The following LRIF1 variants were observed in gnomAD, a reference collection of about 807,000 sequenced individuals.
LRIF1 encodes ligand-dependent nuclear receptor-interacting factor 1.
In LRIF1, 32 loss-of-function variants were observed where a neutral mutation model predicts 52.7. That is an observed-to-expected ratio of 0.61 (90% CI 0.46 to 0.82). LRIF1 has a LOEUF of 0.82. Ranked by LOEUF, LRIF1 falls within the 40% of genes least tolerant of loss-of-function variation. The probability of loss-of-function intolerance (pLI) is 0.00; values close to 1 mark genes in which losing one functional copy is unlikely to be tolerated. For synonymous variants in LRIF1, 323 were observed against 317.4 expected, an observed-to-expected ratio of 1.02 and a Z score of -0.19; for missense variants, 887 against 892.0, an observed-to-expected ratio of 0.99 and a Z score of 0.07.
At chr1:110,956,817 C>A (rs1287840688) in intron 1 of LRIF1, among the ~76,000 whole-genome samples, 2 of 152,192 alleles carry the variant, frequency 1.3e-5, no homozygotes, top group Non-Finnish European at 2.9e-5. Flanking sequence ...ATGGTGTTAA[C>A]AAGCTGCAAT....
At chr1:110,880,188 G>C in the LRIF1 span, 2 of 152,160 alleles carry the variant, frequency 1.3e-5, no homozygotes. Context: ...ACTGTGGGAG[G>C]GGTGTCGGTT....
chr1:110,898,429 A>T, the LRIF1 span, among the ~76,000 whole-genome samples: 1 of 151,566 alleles, frequency 6.6e-6, no homozygotes, highest in Non-Finnish European at 1.5e-5. Context: ...TTCCTCAGAG[A>T]TATGAGTGAT....
intron 1 of LRIF1, among the ~76,000 whole-genome samples, chr1:110,955,092 G>T (rs749105982): frequency 6.6e-6 from 1 of 152,068 alleles, no homozygotes; most frequent in Non-Finnish European, 1.5e-5. Context: ...AATCTCAAAC[G>T]TTCCTAAAAT....
the LRIF1 span, among the ~76,000 whole-genome samples, chr1:110,917,752 T>C: frequency 6.6e-6 from 1 of 151,502 alleles, no homozygotes; most frequent in Non-Finnish European, 1.5e-5. Context: ...AAAAATTAGA[T>C]CAGCTAAGGG....
At chr1:110,963,561 T>G in intron 1 of LRIF1, 60 bp downstream of exon 1, 1 of 1,446,074 alleles carries the variant, frequency 6.9e-7, no homozygotes, top group Admixed American at 1.8e-5. Flanking sequence ...GACGGCCGAC[T>G]CCACATCCCT....
intron 1 of LRIF1, among the ~76,000 whole-genome samples, chr1:110,958,995 G>A (rs1302234462): frequency 6.6e-6 from 1 of 152,158 alleles, no homozygotes; most frequent in Admixed American, 6.5e-5. Context: ...TCTAGAAGGA[G>A]CCTTCCATTG....
chr1:110,902,378 T>C, the LRIF1 span, among the ~76,000 whole-genome samples: 1 of 152,014 alleles, frequency 6.6e-6, no homozygotes, highest in South Asian at 2.1e-4. Flanking sequence ...GATTTACCTT[T>C]TAAATGGGTA....
At chr1:110,890,442 C>CT in the LRIF1 span, among the ~76,000 whole-genome samples, 3 of 152,178 alleles carry the variant, frequency 2.0e-5, no homozygotes, top group South Asian at 6.2e-4. Flanking sequence ...TGGTGCATGC[C>CT]TTTAGTCTCA....
the LRIF1 span, chr1:110,938,868 TACAA>T: frequency 1.3e-5 from 2 of 152,212 alleles, no homozygotes; most frequent in African/African-American, 4.8e-5. Flanking sequence ...AGTTCCAGGA[TACAA>T]AAACAACATA....
chr1:110,955,459 T>C (rs1658656768), intron 1 of LRIF1, among the ~76,000 whole-genome samples: 1 of 152,220 alleles, frequency 6.6e-6, no homozygotes, highest in African/African-American at 2.4e-5. Context: ...CTTAAAACAT[T>C]GCAGTGGCCT....
At chr1:110,963,591 C>G in intron 1 of LRIF1, 30 bp downstream of exon 1, 1 of 1,588,970 alleles carries the variant, frequency 6.3e-7, no homozygotes. Context: ...AGAGGGGCAG[C>G]CGTGGGGAGG....
the LRIF1 span, among the ~76,000 whole-genome samples, chr1:110,886,869 A>ATATATATTTTTTTT: frequency 2.4e-5 from 2 of 82,798 alleles, no homozygotes; most frequent in Non-Finnish European, 4.5e-5. Context: ...ATATATATAT[A>ATATATATTTTTTTT]TTTTTTTTTT....
At chr1:110,955,950 T>G (rs1658679850) in intron 1 of LRIF1, among the ~76,000 whole-genome samples, 1 of 152,098 alleles carries the variant, frequency 6.6e-6, no homozygotes, top group South Asian at 2.1e-4. Context: ...GACTCAACCT[T>G]AAAGAGAGCT....
chr1:110,946,608 ATT>A (rs55737391), downstream of LRIF1, among the ~76,000 whole-genome samples: 19 of 130,976 alleles, frequency 1.5e-4, no homozygotes, highest in Admixed American at 8.3e-4. Context: ...CATTGCACAG[ATT>A]TTTTTTTTCT....
chr1:110,918,299 A>G, the LRIF1 span, among the ~76,000 whole-genome samples: 2 of 152,324 alleles, frequency 1.3e-5, no homozygotes, highest in African/African-American at 4.8e-5. Context: ...AGGACTGTGT[A>G]GTAAGACAGG....
intron 1 of LRIF1, among the ~76,000 whole-genome samples, chr1:110,962,748 G>A (rs1004272605): frequency 1.3e-5 from 2 of 152,004 alleles, no homozygotes; most frequent in African/African-American, 2.4e-5. Flanking sequence ...TTCTTCAAAC[G>A]AAAATCCTCT....
chr1:110,953,811 A>T (rs1356590599), intron 1 of LRIF1, among the ~76,000 whole-genome samples: 1 of 152,188 alleles, frequency 6.6e-6, no homozygotes, highest in Non-Finnish European at 1.5e-5. Flanking sequence ...ACATAGCTCA[A>T]GTCTTGGCAT....
the LRIF1 span, among the ~76,000 whole-genome samples, chr1:110,928,910 G>C: frequency 6.6e-6 from 1 of 152,174 alleles, no homozygotes; most frequent in Non-Finnish European, 1.5e-5. Flanking sequence ...CTTTGAGTGA[G>C]ATAAAACATC....
At chr1:110,910,968 C>T in the LRIF1 span, among the ~76,000 whole-genome samples, 1 of 151,992 alleles carries the variant, frequency 6.6e-6, no homozygotes, top group South Asian at 2.1e-4. Context: ...CAAACCAACT[C>T]CAAAACTAGC....
Sources: allele counts gnomAD v4.1 joint callset (sites outside exome capture counted in the v4.1 genomes callset), GRCh38; gene constraint gnomAD v4.1.1; transcripts MANE v1.5; gene names NCBI Gene and HGNC (gene_info 2026-07-23, HGNC 2026-07-21).